EPS15L1: variants seen among roughly 807,000 people sequenced by gnomAD.
The protein encoded by EPS15L1 is epidermal growth factor receptor substrate 15-like 1.
EPS15L1 carries 43 observed loss-of-function variants against 117.1 expected under a neutral mutation model. The ratio of observed to expected loss-of-function variants is 0.37; its 90% confidence interval spans 0.29 to 0.47. The LOEUF is 0.47. Ranked by LOEUF, EPS15L1 falls within the 20% of genes least tolerant of loss-of-function variation. The probability of loss-of-function intolerance (pLI) is 0.99; values close to 1 mark genes in which losing one functional copy is unlikely to be tolerated. For missense variants in EPS15L1, 981 were observed against 1,164.0 expected (o/e 0.84, Z 2.29); for synonymous variants, 459 against 470.5 (o/e 0.98, Z 0.32).
intron 1 of EPS15L1, among the ~76,000 whole-genome samples, chr19:16,463,599 C>T (rs2093273677): frequency 1.3e-5 from 2 of 152,206 alleles, no homozygotes; most frequent in South Asian, 4.1e-4. Flanking sequence ...CTTCCCTCAA[C>T]AGATGATTGT....
chr19:16,424,952 C>T (rs2092854510), intron 9 of EPS15L1, 131 bp downstream of exon 9: 1 of 855,282 alleles, frequency 1.2e-6, no homozygotes, highest in Non-Finnish European at 1.9e-6. Context: ...TGAGCCACCG[C>T]ACCTGGCCAC....
Position 16,383,175 on chromosome 19 carries a change from C to T in EPS15L1, c.2247+1954G>A, listed in dbSNP as rs2092381412. On this transcript the variant is annotated intron_variant, in intron 21 of 23. Transcript: ENST00000455140. The surrounding 1 kb of genome is among the most constrained non-coding windows in gnomAD (Gnocchi z 5.2). ...GATAGTATTGGAGACCCATTTTCCA[C>T]AGCTCTGTCCAACTCTGTCCTGGCC... The T allele has an allele frequency of 6.6e-6, 1 of 152,204 alleles. No homozygotes were observed. The highest frequency in any genetic ancestry group is 2.4e-5 in the African/African-American group (1 of 41,430). The allele number at this position is 152,204 out of a possible 1,614,324, so 9.4% of individuals were successfully genotyped here.
chr19:16,467,946 T>C (rs2093318235), intron 1 of EPS15L1, among the ~76,000 whole-genome samples: 1 of 152,138 alleles, frequency 6.6e-6, no homozygotes, highest in South Asian at 2.1e-4. Flanking sequence ...CCTCCTAGAA[T>C]GGAGGCACCT....
chr19:16,425,310 G>A lies in EPS15L1; in HGVS notation c.565C>T (p.His189Tyr). Residue 189 changes from histidine (H) to tyrosine (Y), a missense_variant, in exon 9 of 24, where the codon CAC (histidine) becomes TAC (tyrosine). By Grantham distance (83) the His-to-Tyr change is moderately conservative. Around this residue, in one of 5 missense-constraint regions of EPS15L1, gnomAD observed 819 missense variants for 949.0 expected, o/e 0.86. Transcript: ENST00000455140. ...LDRDEFAVAMHLVYRALEKEP... is the reference protein window; with the variant it reads ...LDRDEFAVAMYLVYRALEKEP... ...TTCTCCAGGGCTCGGTACACCAAGT[G>A]CATGGCCTGCAGGTGCAAACAACAA... is the stretch of plus-strand genomic sequence containing the variant. 1.3e-6 allele frequency: 2 copies of A among 1,588,426 alleles called. No individual in the cohort carries two copies. The highest frequency in any genetic ancestry group is 8.6e-7 in the Non-Finnish European group (1 of 1,166,210).
intron 9 of EPS15L1, among the ~76,000 whole-genome samples, chr19:16,424,808 G>A (rs557525639): frequency 2.0e-5 from 3 of 151,902 alleles, no homozygotes; most frequent in Non-Finnish European, 2.9e-5. Flanking sequence ...TTACAGGTGC[G>A]CACCACCACA....
At position 16,402,272 on chromosome 19, in the gene EPS15L1, C is replaced by T. The variant is rs369310759; in HGVS notation, c.1791+49G>A. The stretch of plus-strand genomic sequence containing the variant: ...TGGCGGGTGGGATGTTCTGCTGTCA[C>T]ACCAGGGGACCAGAGCCCCATACTG... On this transcript the variant is annotated intron_variant, in intron 16 of 23. Coordinates refer to ENST00000455140, the MANE Select transcript of EPS15L1 (RefSeq NM_001258374.3). 1.1e-4 allele frequency: 163 copies of T among 1,541,270 alleles called. No homozygotes were observed. In the African/African-American group the frequency reaches 2.1e-3, roughly 20 times the overall value.
At position 16,365,975 on chromosome 19, in the gene EPS15L1, G is replaced by A. The variant is rs2092127759; in HGVS notation, c.2381-3991C>T. 1.3e-5 allele frequency among the ~76,000 whole-genome samples: 2 copies of A among 152,220 alleles called. No individual in the cohort carries two copies. The highest frequency in any genetic ancestry group is 2.4e-5 in the African/African-American group (1 of 41,440). ...CCTTTGGAGCAACACCCTGGGGAGCGAGAAGGGAATAAAGGCATCTGCCCT... is the reference window on the plus strand; with the variant it reads ...CCTTTGGAGCAACACCCTGGGGAGCAAGAAGGGAATAAAGGCATCTGCCCT... On this transcript the variant is annotated intron_variant, in intron 22 of 23. Transcript: ENST00000455140. This position sits in a 1 kb window ranked among gnomAD's most constrained non-coding sequence, Gnocchi z 4.9.
intron 23 of EPS15L1, among the ~76,000 whole-genome samples, chr19:16,358,651 C>T (rs1439656405): frequency 6.6e-6 from 1 of 151,878 alleles, no homozygotes; most frequent in East Asian, 1.9e-4. Context: ...GCAGTTTAGA[C>T]AGCTCGGCAC....
rs2092630959 is a variant in EPS15L1 at position 16,404,165 on chromosome 19, TAATGAGGGGC to T, written c.1429-245_1429-236del. Among the ~76,000 whole-genome samples, 1 of 152,148 alleles carries T rather than the reference TAATGAGGGGC, an allele frequency of 6.6e-6. No individual in the cohort carries two copies. Among genetic ancestry groups the T allele is most frequent in the African/African-American group, 2.4e-5 (1 of 41,444 alleles). On this transcript the variant is annotated intron_variant, in intron 14 of 23. Transcript: ENST00000455140. This position sits in a 1 kb window ranked among gnomAD's most constrained non-coding sequence, Gnocchi z 4.2. Reference sequence around the variant, plus strand: ...TGGCTAACGGAAGATCACTTTGGAATAATGAGGGGCATGACCAAGCACGAACAATCTGTCC... The same window carrying T: ...TGGCTAACGGAAGATCACTTTGGAATATGACCAAGCACGAACAATCTGTCC...
rs959952552 is a variant in EPS15L1 at position 16,377,393 on chromosome 19, G to C, written c.2248-139C>G. The C allele has an allele frequency of 4.4e-6, 4 of 918,308 alleles. No individual in the cohort carries two copies. In the African/African-American group the frequency reaches 6.9e-5, roughly 16 times the overall value. 56.9% of individuals were successfully genotyped at this position (918,308 alleles called of 1,614,324 possible). A position where few individuals can be genotyped will look rare whatever the true frequency, so the allele number is the denominator to read the frequency against. On this transcript the variant is annotated intron_variant, in intron 21 of 23. Transcript: ENST00000455140. ...GGACTGCACAACATGGCCCTGCTTG[G>C]ACGTGGGGTCTCTTTCAAGCCCCAT...
chr19:16,439,924 A>AT lies in EPS15L1; in HGVS notation c.213+937dup, dbSNP rs201668616. ...GTATCAGAAGAGTTTCAGATTTCAG[A>AT]TTTTTTTTTTTTTTTTTTCAGATGG... On this transcript the variant is annotated intron_variant, in intron 4 of 23. Coordinates refer to ENST00000455140, the MANE Select transcript of EPS15L1 (RefSeq NM_001258374.3). Among the ~76,000 whole-genome samples the AT allele has an allele frequency of 7.1e-3, 951 of 133,176 alleles. 5 individuals carry two copies. The highest frequency in any genetic ancestry group is 0.014 in the South Asian group (58 of 4,134). The allele number at this position is 133,176 out of a possible 152,430, so 87.4% of individuals were successfully genotyped here. A position where few individuals can be genotyped will look rare whatever the true frequency, so the allele number is the denominator to read the frequency against.
chr19:16,420,761 C>G (rs1306755114), intron 10 of EPS15L1, among the ~76,000 whole-genome samples: 1 of 152,256 alleles, frequency 6.6e-6, no homozygotes, highest in Admixed American at 6.5e-5. Context: ...AGGAGTGCCC[C>G]AGCCCTATGA....
chr19:16,393,244 T>C (rs901695910), intron 18 of EPS15L1, among the ~76,000 whole-genome samples: 15 of 151,984 alleles, frequency 9.9e-5, no homozygotes, highest in Admixed American at 3.3e-4. Context: ...GATGAGAATG[T>C]TGTGGAACTA....
At chr19:16,393,873 A>G in intron 18 of EPS15L1, 78 bp downstream of exon 18, 1 of 1,409,732 alleles carries the variant, frequency 7.1e-7, no homozygotes. Context: ...GTATGTGGAC[A>G]CAAGTCCCAC....
At chr19:16,364,239 C>T (rs2092100765) in intron 22 of EPS15L1, among the ~76,000 whole-genome samples, 1 of 152,188 alleles carries the variant, frequency 6.6e-6, no homozygotes, top group Non-Finnish European at 1.5e-5. Context: ...GGGGGCCCTG[C>T]AATCTGGAAG....
intron 1 of EPS15L1, among the ~76,000 whole-genome samples, chr19:16,463,993 G>C (rs921788319): frequency 6.6e-6 from 1 of 152,258 alleles, no homozygotes; most frequent in Non-Finnish European, 1.5e-5. Context: ...ACAGAGCAGA[G>C]GGAATGAGGA....
rs755814628 is a variant in EPS15L1 at position 16,441,994 on chromosome 19, A to G, written c.76-13T>C. On this transcript the variant is annotated splice_polypyrimidine_tract_variant and intron_variant, in intron 2 of 23. Transcript: ENST00000455140. ...ATGCCGGATCGACCTGAAATGGGAG[A>G]CCAAGAGGCAAAATAACTTTTCAGC... 6.2e-7 allele frequency: 1 copy of G among 1,605,518 alleles called. No homozygotes were observed. Among genetic ancestry groups the G allele is most frequent in the Non-Finnish European group, 8.5e-7 (1 of 1,175,448 alleles).
At chr19:16,440,066 C>CAA (rs34503524) in intron 4 of EPS15L1, among the ~76,000 whole-genome samples, 7 of 74,816 alleles carry the variant, frequency 9.4e-5, no homozygotes, top group African/African-American at 9.4e-5. Context: ...ACTCTGTCTC[C>CAA]AAAAAAAAAA....
At chr19:16,378,449 C>T (rs552870200) in intron 21 of EPS15L1, among the ~76,000 whole-genome samples, 1 of 152,272 alleles carries the variant, frequency 6.6e-6, no homozygotes, top group Admixed American at 6.5e-5. Flanking sequence ...CCACCAGGAA[C>T]CCCTCTCCTT....
Sources: allele counts gnomAD v4.1 joint callset (sites outside exome capture counted in the v4.1 genomes callset), GRCh38; gene constraint gnomAD v4.1.1; regional missense constraint gnomAD v4.1.1; non-coding constraint Gnocchi (gnomAD v3.1); transcripts MANE v1.5; gene names NCBI Gene and HGNC (gene_info 2026-07-23, HGNC 2026-07-21).